The following MAP2K4 variants were observed in gnomAD, a reference collection of about 807,000 sequenced individuals.
MAP2K4 encodes the protein mitogen-activated protein kinase kinase 4, also known as dual specificity mitogen-activated protein kinase kinase 4.
A neutral mutation model predicts 48.5 loss-of-function variants in MAP2K4; 4 were observed. The observed-to-expected ratio is 0.08, with a 90% CI of 0.04 to 0.19. MAP2K4 has a LOEUF of 0.19. Ranked by LOEUF, MAP2K4 falls within the 10% of genes least tolerant of loss-of-function variation. MAP2K4 has a pLI of 1.00. For synonymous variants in MAP2K4, 166 were observed against 173.1 expected, an observed-to-expected ratio of 0.96 and a Z score of 0.32; for missense variants, 258 against 493.3, an observed-to-expected ratio of 0.52 and a Z score of 4.52.
chr17:12,021,768 T>G (rs1969076184), intron 1 of MAP2K4, among the ~76,000 whole-genome samples: 1 of 151,678 alleles, frequency 6.6e-6, no homozygotes, highest in Non-Finnish European at 1.5e-5. Flanking sequence ...AGACTTAATT[T>G]GGTTTAAATG....
chr17:12,137,131 A>G (rs1276540025), intron 9 of MAP2K4, among the ~76,000 whole-genome samples: 6 of 152,170 alleles, frequency 3.9e-5, no homozygotes, highest in African/African-American at 9.7e-5. Flanking sequence ...AAACTGCTCT[A>G]TGTGTGTATC....
chr17:12,072,720 C>T (rs924781024), intron 2 of MAP2K4, among the ~76,000 whole-genome samples: 26 of 152,130 alleles, frequency 1.7e-4, no homozygotes, highest in Admixed American at 3.9e-4. Flanking sequence ...CATGAATACC[C>T]TAGATTTCAG....
intron 8 of MAP2K4, among the ~76,000 whole-genome samples, chr17:12,126,781 C>T (rs375650845): frequency 1.1e-4 from 16 of 152,162 alleles, no homozygotes; most frequent in African/African-American, 2.4e-4. Context: ...TTGAAGTCTT[C>T]GGTTTATTTT....
At chr17:12,110,667 G>GTTATTA in intron 6 of MAP2K4, 1 of 427,924 alleles carries the variant, frequency 2.3e-6, no homozygotes. Flanking sequence ...GCTGCACATT[G>GTTATTA]TTATTAGTTG....
chr17:12,139,993 A>C, intron 10 of MAP2K4, 109 bp downstream of exon 10: 42 of 616,490 alleles, frequency 6.8e-5, no homozygotes, highest in Non-Finnish European at 1.1e-4. Context: ...CAAACATCTC[A>C]AATTTATTGA....
At chr17:12,029,916 T>TAAA (rs796194946) in intron 1 of MAP2K4, among the ~76,000 whole-genome samples, 3 of 140,074 alleles carry the variant, frequency 2.1e-5, no homozygotes, top group African/African-American at 7.9e-5. Flanking sequence ...ACCCTGTCTC[T>TAAA]AAAAAAAAAA....
intron 2 of MAP2K4, among the ~76,000 whole-genome samples, chr17:12,079,532 A>G (rs1232081374): frequency 1.3e-5 from 2 of 152,158 alleles, no homozygotes; most frequent in African/African-American, 2.4e-5. Context: ...TACGAACACT[A>G]AGAAGGTGGG....
intron 1 of MAP2K4, among the ~76,000 whole-genome samples, chr17:12,050,775 G>A (rs909256621): frequency 6.6e-6 from 1 of 152,186 alleles, no homozygotes; most frequent in Non-Finnish European, 1.5e-5. Context: ...AACCTGGAAG[G>A]TGTCTTCCCT....
At chr17:12,122,370 T>G (rs1972721489) in intron 7 of MAP2K4, among the ~76,000 whole-genome samples, 1 of 152,224 alleles carries the variant, frequency 6.6e-6, no homozygotes, top group African/African-American at 2.4e-5. Context: ...AGGCACAAAC[T>G]TCCCTTTCAG....
chr17:12,098,080 A>G lies in MAP2K4; in HGVS notation c.513+2386A>G, dbSNP rs146575261. Among the ~76,000 whole-genome samples the G allele has an allele frequency of 2.4e-3, 360 of 152,338 alleles. 1 individual carries two copies. The highest frequency in any genetic ancestry group is 8.3e-3 in the African/African-American group (346 of 41,574). ...TTTACAATAAAAATATAGTTTTTCA[A>G]TAGTTTTACAATAAAAGTGTAGTTT... is the stretch of plus-strand genomic sequence containing the variant. On this transcript the variant is annotated intron_variant, in intron 4 of 10. Coordinates refer to ENST00000353533, the MANE Select transcript of MAP2K4 (RefSeq NM_003010.4).
At chr17:12,063,421 A>T (rs1970514053) in intron 2 of MAP2K4, among the ~76,000 whole-genome samples, 1 of 152,218 alleles carries the variant, frequency 6.6e-6, no homozygotes, top group Non-Finnish European at 1.5e-5. Flanking sequence ...ATAGTGATGT[A>T]ACAAACTGGA....
intron 1 of MAP2K4, among the ~76,000 whole-genome samples, chr17:12,042,866 T>C (rs367651109): frequency 1.3e-5 from 2 of 151,850 alleles, no homozygotes; most frequent in East Asian, 3.9e-4. Context: ...GCTAACACAG[T>C]GAAACCCCGC....
In MAP2K4 at chr17:12,081,113, C is replaced by G. The variant is rs1345622358; in HGVS notation, c.219-243C>G. Among the ~76,000 whole-genome samples, 1 of 152,102 alleles carries G rather than the reference C, an allele frequency of 6.6e-6. No homozygotes were observed. The highest frequency in any genetic ancestry group is 2.4e-5 in the African/African-American group (1 of 41,430). On this transcript the variant is annotated intron_variant, in intron 2 of 10. Transcript: ENST00000353533. The surrounding 1 kb of genome is among the most constrained non-coding windows in gnomAD (Gnocchi z 4.2). ...TCAATAAATGGGAATTTTTAAAAAT[C>G]TTCTTGGCAATTTGTTTTTATGAAT...
intron 9 of MAP2K4, among the ~76,000 whole-genome samples, chr17:12,136,585 T>G (rs1973216684): frequency 6.6e-6 from 1 of 152,228 alleles, no homozygotes; most frequent in South Asian, 2.1e-4. Flanking sequence ...TGGAATTAAG[T>G]TTGCTAACGG....
chr17:12,042,019 A>G (rs1275744700), intron 1 of MAP2K4, among the ~76,000 whole-genome samples: 1 of 152,062 alleles, frequency 6.6e-6, no homozygotes, highest in Non-Finnish European at 1.5e-5. Context: ...CGTCTCTATT[A>G]AAAATACAAA....
intron 7 of MAP2K4, among the ~76,000 whole-genome samples, chr17:12,116,380 ACTTT>A (rs1379805091): frequency 2.0e-5 from 3 of 152,158 alleles, no homozygotes; most frequent in African/African-American, 7.2e-5. Flanking sequence ...GCTACTGTAG[ACTTT>A]ATAAACACTG....
At chr17:12,090,070 T>C (rs1430940300) in intron 3 of MAP2K4, among the ~76,000 whole-genome samples, 3 of 152,252 alleles carry the variant, frequency 2.0e-5, no homozygotes, top group Non-Finnish European at 4.4e-5. Context: ...GTAGAACTTC[T>C]GTTTATGAAG....
chr17:12,121,282 A>G (rs532692267), intron 7 of MAP2K4, among the ~76,000 whole-genome samples: 1 of 152,344 alleles, frequency 6.6e-6, no homozygotes, highest in African/African-American at 2.4e-5. Flanking sequence ...ATTATTATGT[A>G]TATGCAAATA....
intron 3 of MAP2K4, among the ~76,000 whole-genome samples, chr17:12,086,802 A>G (rs922907121): frequency 4.0e-5 from 6 of 151,820 alleles, no homozygotes; most frequent in African/African-American, 1.5e-4. Context: ...CCCAACTTAC[A>G]TAGTTATCTG....
Sources: allele counts gnomAD v4.1 joint callset (sites outside exome capture counted in the v4.1 genomes callset), GRCh38; gene constraint gnomAD v4.1.1; non-coding constraint Gnocchi (gnomAD v3.1); transcripts MANE v1.5; gene names NCBI Gene and HGNC (gene_info 2026-07-23, HGNC 2026-07-21).